HUS1: variants seen among roughly 807,000 people sequenced by gnomAD.
The protein encoded by HUS1 is HUS1 checkpoint clamp component, also known as checkpoint protein HUS1.
In HUS1, 31 loss-of-function variants were observed where a neutral mutation model predicts 32.6. That is an observed-to-expected ratio of 0.95 (90% CI 0.72 to 1.28). The LOEUF (loss-of-function observed/expected upper bound fraction) is 1.28. Ranked by LOEUF, HUS1 falls within the 50% of genes most tolerant of loss-of-function variation. The pLI, the probability that HUS1 is intolerant of heterozygous loss-of-function variation, is 0.00. For synonymous variants in HUS1, 123 were observed against 116.6 expected (o/e 1.06, Z -0.36); for missense variants, 340 against 337.7 (o/e 1.01, Z -0.05).
At chr7:47,968,393 CA>C (rs1243533462) in intron 6 of HUS1, among the ~76,000 whole-genome samples, 4 of 152,160 alleles carry the variant, frequency 2.6e-5, no homozygotes, top group African/African-American at 9.7e-5. Context: ...ACAATATTAT[CA>C]AAGGCATAAC....
At chr7:47,978,662 G>T (rs752589040) in intron 2 of HUS1, 27 bp downstream of exon 2, 1 of 1,613,826 alleles carries the variant, frequency 6.2e-7, no homozygotes. Flanking sequence ...TGCAGAGTGT[G>T]CAGGCCTCTC....
chr7:47,974,943 C>T (rs76543908), intron 5 of HUS1, among the ~76,000 whole-genome samples: 1,700 of 152,272 alleles, frequency 0.011, 30 homozygotes, highest in African/African-American at 0.039. Flanking sequence ...ACTTGGCACG[C>T]AGACAGGAAA....
intron 7 of HUS1, among the ~76,000 whole-genome samples, chr7:47,967,200 A>C (rs1039026246): frequency 5.3e-4 from 80 of 152,178 alleles, no homozygotes; most frequent in African/African-American, 1.8e-3. Context: ...GTAAGGTGAC[A>C]AAAATGCCTT....
chr7:47,967,967 G>C, intron 6 of HUS1, 42 bp from the exon 7 acceptor site: 1 of 1,588,308 alleles, frequency 6.3e-7, no homozygotes, highest in Non-Finnish European at 8.6e-7. Flanking sequence ...ATCTTCCCAC[G>C]TAACAGGAAA....
intron 5 of HUS1, among the ~76,000 whole-genome samples, chr7:47,972,354 C>A (rs1788616138): frequency 6.6e-6 from 1 of 152,182 alleles, no homozygotes; most frequent in South Asian, 2.1e-4. Flanking sequence ...TCTTCAAATT[C>A]CTAAGAATCT....
chr7:47,966,311 TAAA>T (rs1562584933), intron 7 of HUS1, among the ~76,000 whole-genome samples: 1 of 152,114 alleles, frequency 6.6e-6, no homozygotes, highest in Non-Finnish European at 1.5e-5. Context: ...CACGGTGTTT[TAAA>T]AAAAATTTTT....
At chr7:47,975,527 G>A (rs1788684769) in intron 5 of HUS1, 86 bp downstream of exon 5, 4 of 844,644 alleles carry the variant, frequency 4.7e-6, no homozygotes, top group Non-Finnish European at 6.1e-6. Flanking sequence ...GTGCCCACCT[G>A]CATGGACTGC....
At chr7:47,969,421 A>G (rs953595) in intron 5 of HUS1, 103 bp from the exon 6 acceptor site, 321,180 of 671,680 alleles carry the variant, frequency 0.48, 78,468 homozygotes, top group East Asian at 0.52. Context: ...GTACCCTACA[A>G]AACCTCAAAA....
intron 7 of HUS1, 150 bp from the exon 8 acceptor site, chr7:47,965,588 T>C: frequency 1.6e-6 from 1 of 611,368 alleles, no homozygotes; most frequent in Non-Finnish European, 3.0e-6. Context: ...TCTCTCACTC[T>C]CACTGCCACA....
intron 5 of HUS1, among the ~76,000 whole-genome samples, chr7:47,975,051 C>T (rs1788672160): frequency 6.6e-6 from 1 of 152,166 alleles, no homozygotes; most frequent in East Asian, 1.9e-4. Flanking sequence ...CGGTGGCTCA[C>T]GCCTGTAATC....
chr7:47,970,373 T>G (rs887471386), intron 5 of HUS1, among the ~76,000 whole-genome samples: 5 of 149,118 alleles, frequency 3.4e-5, no homozygotes, highest in African/African-American at 9.9e-5. Flanking sequence ...CAGGAAGTAA[T>G]TAGAAACATA....
At chr7:47,971,124 GAGA>G (rs1009042554) in intron 5 of HUS1, 1 of 165,838 alleles carries the variant, frequency 6.0e-6, no homozygotes, top group African/African-American at 2.4e-5. Flanking sequence ...GGGGGAAAAT[GAGA>G]AGAATGTGGA....
intron 5 of HUS1, chr7:47,971,121 A>T (rs1180213549): frequency 6.0e-6 from 1 of 166,284 alleles, no homozygotes; most frequent in Non-Finnish European, 1.3e-5. Flanking sequence ...GAAGGGGGAA[A>T]ATGAGAAGAA....
chr7:47,967,013 C>G (rs890956882), intron 7 of HUS1, among the ~76,000 whole-genome samples: 3 of 152,210 alleles, frequency 2.0e-5, no homozygotes, highest in Non-Finnish European at 4.4e-5. Flanking sequence ...AAGGGCTGGT[C>G]CTTGACATTG....
rs1292093747 is a variant in HUS1 at position 47,969,433 on chromosome 7, AC to A, written c.541-116del. ...AAAGTACCCTACAAAACCTCAAAAC[AC>A]CTCAGAGCACACTGAGACCCCCGTG... On this transcript the variant is annotated intron_variant, in intron 5 of 7. Transcript: ENST00000258774. The A allele has an allele frequency of 4.7e-6, 3 of 643,978 alleles. No individual in the cohort carries two copies. The African/African-American group carries it at 5.6e-5, about 12-fold the overall frequency. The allele number at this position is 643,978 out of a possible 1,614,324, so 39.9% of individuals were successfully genotyped here. A position where few individuals can be genotyped will look rare whatever the true frequency, so the allele number is the denominator to read the frequency against.
chr7:47,967,258 G>A (rs890979190), intron 7 of HUS1, among the ~76,000 whole-genome samples: 1 of 152,170 alleles, frequency 6.6e-6, no homozygotes, highest in Non-Finnish European at 1.5e-5. Flanking sequence ...GTCAGTAGAT[G>A]AAGAGTGCTG....
rs145160524 is a variant in HUS1, at chr7:47,978,426, G to A, written c.348C>T (p.Ser116=). 2.2e-5 allele frequency: 35 copies of A among 1,613,712 alleles called. No individual in the cohort carries two copies. The Admixed American group carries it at 2.3e-4, about 11-fold the overall frequency. Residue 116 remains serine, a synonymous_variant, in exon 3 of 8, where the codon TCC becomes TCT. Transcript: ENST00000258774. The stretch of plus-strand genomic sequence containing the variant: ...TGACTCTCCTACTCACCAGCTCCAC[G>A]GAGACCGTGAGGCAGGGAAAGTGTT... ...TNKHFPCLTV[S]VELLSMSSSS...
chr7:47,971,232 T>C (rs771413236), intron 5 of HUS1: 44 of 241,074 alleles, frequency 1.8e-4, no homozygotes, highest in Middle Eastern at 1.5e-3. Flanking sequence ...CATGAGAACA[T>C]AGCCATTTAT....
chr7:47,966,536 C>G (rs1195552088), intron 7 of HUS1, among the ~76,000 whole-genome samples: 1 of 152,188 alleles, frequency 6.6e-6, no homozygotes, highest in African/African-American at 2.4e-5. Context: ...TTTCCACACT[C>G]TGCAGACAGG....
Sources: allele counts gnomAD v4.1 joint callset (sites outside exome capture counted in the v4.1 genomes callset), GRCh38; gene constraint gnomAD v4.1.1; transcripts MANE v1.5; gene names NCBI Gene and HGNC (gene_info 2026-07-23, HGNC 2026-07-21).